MYCBPAP: variants seen among roughly 807,000 people sequenced by gnomAD.
The protein encoded by MYCBPAP is MYCBP-associated protein.
Under a neutral mutation model 106.1 loss-of-function variants are expected in MYCBPAP, and 60 were observed. The ratio of observed to expected loss-of-function variants is 0.57; its 90% confidence interval spans 0.46 to 0.70. The LOEUF (loss-of-function observed/expected upper bound fraction) is 0.70. MYCBPAP is among the 30% of genes least tolerant of loss of function. The pLI is 0.00. For missense variants in MYCBPAP, 1,064 were observed against 1,169.3 expected, an observed-to-expected ratio of 0.91 and a Z score of 1.31; for synonymous variants, 407 against 440.6, an observed-to-expected ratio of 0.92 and a Z score of 0.95.
Position 50,513,167 on chromosome 17 carries a change from G to A in MYCBPAP, c.77-3403G>A, listed in dbSNP as rs747305538. ...TGGGAGGCAGAGATTGCAGTGAGCCGAGATCACGCCATTATACTCTAGCCT... is the reference window on the plus strand; with the variant it reads ...TGGGAGGCAGAGATTGCAGTGAGCCAAGATCACGCCATTATACTCTAGCCT... On this transcript the variant is annotated intron_variant, in intron 1 of 18. Transcript: ENST00000323776. Among the ~76,000 whole-genome samples the A allele has an allele frequency of 4.3e-5, 6 of 140,256 alleles. No individual in the cohort carries two copies. The East Asian group carries it at 8.3e-4, about 19-fold the overall frequency. 92.0% of individuals were successfully genotyped at this position (140,256 alleles called of 152,430 possible). A position where few individuals can be genotyped will look rare whatever the true frequency, so the allele number is the denominator to read the frequency against.
At chr17:50,513,602 A>C (rs1178069308) in intron 1 of MYCBPAP, among the ~76,000 whole-genome samples, 1 of 152,218 alleles carries the variant, frequency 6.6e-6, no homozygotes, top group Non-Finnish European at 1.5e-5. Flanking sequence ...TTTGGCCCCC[A>C]AAAATCTTCG....
intron 7 of MYCBPAP, among the ~76,000 whole-genome samples, chr17:50,520,686 G>T (rs927711090): frequency 6.6e-6 from 1 of 152,176 alleles, no homozygotes; most frequent in Admixed American, 6.5e-5. Flanking sequence ...GAGCCTGCCA[G>T]GCTGCCTGGG....
At chr17:50,509,210 G>A in intron 1 of MYCBPAP, 1 of 697,060 alleles carries the variant, frequency 1.4e-6, no homozygotes, top group Middle Eastern at 2.6e-4. Flanking sequence ...TCGGGGAGCG[G>A]GGCAGGCGTC....
chr17:50,522,904 G>T, intron 10 of MYCBPAP, 35 bp from the exon 11 acceptor site: 1 of 1,592,782 alleles, frequency 6.3e-7, no homozygotes, highest in Non-Finnish European at 8.6e-7. Context: ...GCCAGGGTTT[G>T]CAGCAAAGAC....
intron 1 of MYCBPAP, chr17:50,516,220 C>G: frequency 5.8e-6 from 1 of 171,096 alleles, no homozygotes; most frequent in South Asian, 1.4e-4. Flanking sequence ...GAACTCCTGG[C>G]CTCAAGTGAT....
At chr17:50,521,477 A>G in intron 9 of MYCBPAP, 46 bp downstream of exon 9, 9 of 1,366,810 alleles carry the variant, frequency 6.6e-6, no homozygotes, top group Non-Finnish European at 9.2e-6. Flanking sequence ...AGAGTTCTCC[A>G]GCACCTACCA....
At chr17:50,524,740 G>GAGAGAGAGAGAA in intron 12 of MYCBPAP, 137 bp from the exon 13 acceptor site, 1 of 712,022 alleles carries the variant, frequency 1.4e-6, no homozygotes. Flanking sequence ...GTGTGTGTGA[G>GAGAGAGAGAGAA]AGAGAGAGAG....
chr17:50,520,957 A>G, intron 7 of MYCBPAP, 153 bp from the exon 8 acceptor site: 1 of 628,096 alleles, frequency 1.6e-6, no homozygotes, highest in Non-Finnish European at 2.8e-6. Flanking sequence ...GGTATAGGAC[A>G]GGAGAACGGG....
chr17:50,509,027 C>G, intron 1 of MYCBPAP: 1 of 702,866 alleles, frequency 1.4e-6, no homozygotes, highest in Non-Finnish European at 2.6e-6. Context: ...TGCGCTACCT[C>G]TAACCACATC....
At chr17:50,522,709 A>AAAAAAAAAAATATATATATATATATAT in intron 10 of MYCBPAP, 4 of 50,034 alleles carry the variant, frequency 8.0e-5, no homozygotes, top group African/African-American at 4.8e-4. Context: ...AAAAAAAAAA[A>AAAAAAAAAAATATATATATATATATAT]ATATATATAT....
intron 1 of MYCBPAP, chr17:50,509,067 C>T (rs1201326683): frequency 1.4e-6 from 1 of 702,876 alleles, no homozygotes; most frequent in Admixed American, 2.0e-5. Flanking sequence ...GCAGGATCCC[C>T]GGACTGGATG....
rs368551224 is a variant in MYCBPAP at position 50,528,852 on chromosome 17, C to T, written c.2553+12C>T. ...TGCTCGGGAAAGAGGCATGCTGGGGCGTGGTCTGGGCCAGGTGGGGCTGGG... is the reference window on the plus strand; with the variant it reads ...TGCTCGGGAAAGAGGCATGCTGGGGTGTGGTCTGGGCCAGGTGGGGCTGGG... On this transcript the variant is annotated intron_variant, in intron 17 of 18. Transcript: ENST00000323776. The T allele has an allele frequency of 1.9e-5, 31 of 1,589,840 alleles. No homozygotes were observed. The highest frequency in any genetic ancestry group is 1.9e-4 in the Middle Eastern group (1 of 5,164).
chr17:50,527,920 G>C (rs2034513003), intron 15 of MYCBPAP, among the ~76,000 whole-genome samples: 1 of 152,176 alleles, frequency 6.6e-6, no homozygotes, highest in South Asian at 2.1e-4. Context: ...ATTCATGCAG[G>C]CCTCCTAACC....
chr17:50,509,437 C>T, intron 1 of MYCBPAP: 1 of 355,996 alleles, frequency 2.8e-6, no homozygotes, highest in Non-Finnish European at 5.3e-6. Flanking sequence ...AGCGGACTGA[C>T]TTCCATGGAC....
At position 50,531,407 on chromosome 17, in the gene MYCBPAP, G is replaced by A. The variant is rs752624926; in HGVS notation, c.2805G>A (p.Glu935=). The A allele has an allele frequency of 2.5e-6, 4 of 1,612,768 alleles. No individual in the cohort carries two copies. In the African/African-American group the frequency reaches 5.3e-5, roughly 22 times the overall value. ...DELSPIKNVE[E]ALRLCR Reference sequence around the variant, plus strand: ...TCAGCCCCATAAAGAATGTCGAGGAGGCTTTGCGCCTCTGCAGGTGACTCT... The same window carrying A: ...TCAGCCCCATAAAGAATGTCGAGGAAGCTTTGCGCCTCTGCAGGTGACTCT... Residue 935 remains glutamate, a synonymous_variant, in exon 19 of 19, where the codon GAG becomes GAA. Transcript: ENST00000323776.
intron 17 of MYCBPAP, 49 bp from the exon 18 acceptor site, chr17:50,528,969 C>T: frequency 1.2e-6 from 2 of 1,601,454 alleles, no homozygotes; most frequent in African/African-American, 1.3e-5. Context: ...ACATCCTTGG[C>T]CTACCTCTGG....
chr17:50,510,969 A>T (rs560744283), intron 1 of MYCBPAP, among the ~76,000 whole-genome samples: 1 of 152,210 alleles, frequency 6.6e-6, no homozygotes, highest in East Asian at 1.9e-4. Flanking sequence ...AATCAAGGAA[A>T]GATTTTTCAC....
At chr17:50,527,508 C>T (rs531309026) in intron 15 of MYCBPAP, 100 bp downstream of exon 15, 22 of 1,481,096 alleles carry the variant, frequency 1.5e-5, no homozygotes, top group East Asian at 1.4e-4. Flanking sequence ...TCTGAGCTTC[C>T]GTTGAGCTCA....
At chr17:50,516,493 T>G in intron 1 of MYCBPAP, 77 bp from the exon 2 acceptor site, 1 of 1,507,090 alleles carries the variant, frequency 6.6e-7, no homozygotes, top group Non-Finnish European at 8.9e-7. Flanking sequence ...ATATTTTTAC[T>G]TTTATTTTTG....
Sources: gnomAD v4.1 joint callset for allele counts (sites outside exome capture counted in the v4.1 genomes callset) on GRCh38, gnomAD v4.1.1 for gene constraint, MANE v1.5 for transcripts, NCBI Gene and HGNC (gene_info 2026-07-23, HGNC 2026-07-21) for gene names.